Variants in MED13L observed in about 807,000 individuals in gnomAD.
The protein encoded by MED13L is mediator of RNA polymerase II transcription subunit 13-like.
A neutral mutation model predicts 220.9 loss-of-function variants in MED13L; 7 were observed. That is an observed-to-expected ratio of 0.03 (90% confidence interval 0.02 to 0.06). The LOEUF is 0.06. Among genes scored for constraint, MED13L ranks in the 10% least tolerant of loss-of-function variants. MED13L has a pLI of 1.00. For synonymous variants in MED13L, 1,011 were observed against 1,015.2 expected, an observed-to-expected ratio of 1.00 and a Z score of 0.08; for missense variants, 1,965 against 2,760.5, an observed-to-expected ratio of 0.71 and a Z score of 6.46.
intron 4 of MED13L, among the ~76,000 whole-genome samples, chr12:116,050,181 G>A (rs1320809438): frequency 6.6e-6 from 1 of 152,110 alleles, no homozygotes; most frequent in Non-Finnish European, 1.5e-5. Flanking sequence ...ATGACTCTAA[G>A]AGTTGAATTA....
At chr12:116,259,299 ATTT>A (rs912505593) in intron 1 of MED13L, among the ~76,000 whole-genome samples, 2 of 152,154 alleles carry the variant, frequency 1.3e-5, no homozygotes, top group African/African-American at 4.8e-5. Flanking sequence ...CTTATCTGTA[ATTT>A]TTTTAAGTAC....
intron 4 of MED13L, among the ~76,000 whole-genome samples, chr12:116,054,410 A>C (rs1273054138): frequency 6.6e-6 from 1 of 152,210 alleles, no homozygotes; most frequent in Non-Finnish European, 1.5e-5. Flanking sequence ...CAATCATGTA[A>C]CAATCAGTGA....
intron 4 of MED13L, among the ~76,000 whole-genome samples, chr12:116,034,849 T>C (rs1013436860): frequency 2.6e-5 from 4 of 151,938 alleles, no homozygotes; most frequent in Admixed American, 6.6e-5. Flanking sequence ...CTACTAAAAA[T>C]ACAAAAATTA....
rs141979127 is a variant in MED13L, at chr12:115,978,141, G to A, written c.5365-2403C>T. Among the ~76,000 whole-genome samples, 8 of 152,184 alleles carry A rather than the reference G, an allele frequency of 5.3e-5. No individual in the cohort carries two copies. The East Asian group carries it at 1.5e-3, about 29-fold the overall frequency. On this transcript the variant is annotated intron_variant, in intron 23 of 30. Transcript: ENST00000281928. The stretch of plus-strand genomic sequence containing the variant: ...CATCTATAAGAAATGTCCAGAACAG[G>A]CAGCTCCATAGAGACAGCAAGTAGA...
rs1358035684 is a variant in MED13L, at chr12:116,277,076, G to C, written c.56C>G (p.Ser19Cys). The change falls in exon 1 of 31, where the codon TCC becomes TGC. Residue 19 changes from serine to cysteine, a missense_variant. Ser to Cys is a moderately radical substitution (Grantham distance 112). Around this residue, in one of 10 missense-constraint regions of MED13L, gnomAD observed 818 missense variants for 1,041.2 expected, o/e 0.79. Transcript: ENST00000281928. ...GCTACTCACCAGCGAAAAGAGGTTG[G>C]AGTGACAATCCTCCAGGCTCGCCCC... ...ANGASLEDCH[S>C]NLFSLAELTG... The C allele has an allele frequency of 1.3e-6, 2 of 1,593,572 alleles. No homozygotes were observed. The highest frequency in any genetic ancestry group is 1.3e-5 in the African/African-American group (1 of 74,668).
At chr12:116,116,666 T>C (rs917652757) in intron 2 of MED13L, among the ~76,000 whole-genome samples, 2 of 151,804 alleles carry the variant, frequency 1.3e-5, no homozygotes, top group Non-Finnish European at 2.9e-5. Flanking sequence ...GCATCTGAAG[T>C]CCCACAGTCC....
chr12:116,214,852 A>G (rs1270887603), intron 2 of MED13L, among the ~76,000 whole-genome samples: 2 of 152,208 alleles, frequency 1.3e-5, no homozygotes, highest in Non-Finnish European at 2.9e-5. Context: ...ATTCTCAAAC[A>G]TAATAATCTT....
chr12:116,223,339 A>T (rs545357856), intron 2 of MED13L, among the ~76,000 whole-genome samples: 1 of 152,318 alleles, frequency 6.6e-6, no homozygotes, highest in East Asian at 1.9e-4. Flanking sequence ...TACTAAAAAA[A>T]AATATGAAGA....
Position 116,015,009 on chromosome 12 carries a change from A to C in MED13L, c.1175+100T>G. On this transcript the variant is annotated intron_variant, in intron 8 of 30. Coordinates refer to ENST00000281928, the MANE Select transcript of MED13L (RefSeq NM_015335.5). Reference sequence around the variant, plus strand: ...ATGAAATACCAATGATGACCTCTCAAGTTTGGTCACACAATAGTGCAATGT... The same window carrying C: ...ATGAAATACCAATGATGACCTCTCACGTTTGGTCACACAATAGTGCAATGT... The C allele has an allele frequency of 2.6e-6, 3 of 1,160,598 alleles. No individual in the cohort carries two copies. In the South Asian group the frequency reaches 3.7e-5, roughly 14 times the overall value. 71.9% of individuals were successfully genotyped at this position (1,160,598 alleles called of 1,614,324 possible).
chr12:115,961,582 T>C (rs770494062), intron 30 of MED13L, 184 bp from the exon 31 acceptor site: 342 of 821,006 alleles, frequency 4.2e-4, no homozygotes, highest in Middle Eastern at 7.1e-4. Flanking sequence ...GACTATCCAG[T>C]ACAGTAGCCA....
chr12:116,218,024 T>C (rs1883104074), intron 2 of MED13L, among the ~76,000 whole-genome samples: 1 of 152,182 alleles, frequency 6.6e-6, no homozygotes, highest in South Asian at 2.1e-4. Flanking sequence ...CACAAGCTCG[T>C]TGAATTGAAT....
chr12:116,028,843 T>C (rs1366747521), intron 4 of MED13L, among the ~76,000 whole-genome samples: 8 of 152,190 alleles, frequency 5.3e-5, no homozygotes, highest in Admixed American at 2.0e-4. Context: ...AGTAATTCTT[T>C]GTTTAACCTC....
intron 4 of MED13L, among the ~76,000 whole-genome samples, chr12:116,030,834 A>G (rs935923463): frequency 3.3e-5 from 5 of 152,050 alleles, no homozygotes; most frequent in Non-Finnish European, 7.4e-5. Flanking sequence ...AAAATAAAAG[A>G]ATTTGAAAAC....
chr12:116,276,353 C>G (rs60664000), intron 1 of MED13L: 36 of 411,238 alleles, frequency 8.8e-5, no homozygotes, highest in Non-Finnish European at 1.3e-4. Flanking sequence ...TGTGTGTGTG[C>G]GGATTCGTTG....
chr12:116,175,952 A>T (rs1000110473), intron 2 of MED13L, among the ~76,000 whole-genome samples: 4 of 152,214 alleles, frequency 2.6e-5, no homozygotes, highest in African/African-American at 9.6e-5. Context: ...TATCGAAAAT[A>T]TCAGAATGGA....
At chr12:116,069,583 T>C (rs959334384) in intron 4 of MED13L, among the ~76,000 whole-genome samples, 2 of 152,222 alleles carry the variant, frequency 1.3e-5, no homozygotes, top group African/African-American at 2.4e-5. Context: ...CTAATGAATG[T>C]GTTCATTTGT....
intron 19 of MED13L, among the ~76,000 whole-genome samples, chr12:115,984,697 G>A (rs1437042921): frequency 1.3e-5 from 2 of 152,042 alleles, no homozygotes; most frequent in Non-Finnish European, 2.9e-5. Flanking sequence ...GCAGATTCCT[G>A]CCTACTGTTG....
At chr12:116,232,227 C>G in intron 2 of MED13L, 2 of 670,040 alleles carry the variant, frequency 3.0e-6, no homozygotes, top group Non-Finnish European at 3.7e-6. Context: ...CAATCTACCC[C>G]TGCACTGACA....
At chr12:116,113,493 T>C (rs1874257172) in intron 2 of MED13L, among the ~76,000 whole-genome samples, 1 of 148,922 alleles carries the variant, frequency 6.7e-6, no homozygotes, top group South Asian at 2.1e-4. Context: ...AAAAATTATA[T>C]ATATATATAA....
Sources: allele counts gnomAD v4.1 joint callset (sites outside exome capture counted in the v4.1 genomes callset), GRCh38; gene constraint gnomAD v4.1.1; regional missense constraint gnomAD v4.1.1; transcripts MANE v1.5; gene names NCBI Gene and HGNC (gene_info 2026-07-23, HGNC 2026-07-21).